IQSEC1: variants seen among roughly 807,000 people sequenced by gnomAD.
IQSEC1 encodes IQ motif and SEC7 domain-containing protein 1.
In IQSEC1, 31 loss-of-function variants were observed where a neutral mutation model predicts 91.0. The observed-to-expected ratio is 0.34, with a 90% CI of 0.26 to 0.46. The LOEUF is 0.46. Among genes scored for constraint, IQSEC1 ranks in the 20% least tolerant of loss-of-function variants. IQSEC1 has a pLI of 1.00. For synonymous variants in IQSEC1, 699 were observed against 662.6 expected (o/e 1.05, Z -0.84); for missense variants, 1,388 against 1,575.6 (o/e 0.88, Z 2.02).
chr3:13,180,364 C>T (rs1693817427), intron 1 of IQSEC1, among the ~76,000 whole-genome samples: 1 of 152,086 alleles, frequency 6.6e-6, no homozygotes, highest in Admixed American at 6.5e-5. Flanking sequence ...CTTGGAGAAC[C>T]TTTGTGTCCA....
chr3:13,175,682 T>C (rs906156041), intron 1 of IQSEC1, among the ~76,000 whole-genome samples: 6 of 152,132 alleles, frequency 3.9e-5, no homozygotes, highest in African/African-American at 1.4e-4. Flanking sequence ...GATAAATTTA[T>C]TCCTCGACGT....
chr3:13,135,952 C>T (rs139077965), intron 2 of IQSEC1, among the ~76,000 whole-genome samples: 1 of 152,336 alleles, frequency 6.6e-6, no homozygotes, highest in East Asian at 1.9e-4. Flanking sequence ...CCCCAGGACT[C>T]CCAGTTAGAC....
chr3:13,268,203 G>C (rs1252739883), intron 1 of IQSEC1, among the ~76,000 whole-genome samples: 1 of 152,242 alleles, frequency 6.6e-6, no homozygotes, highest in East Asian at 1.9e-4. Context: ...CAGACACGAA[G>C]CAGGATGCCA....
intron 1 of IQSEC1, among the ~76,000 whole-genome samples, chr3:13,029,892 G>GT (rs1433600016): frequency 6.6e-6 from 1 of 152,198 alleles, no homozygotes; most frequent in African/African-American, 2.4e-5. Flanking sequence ...ACCTGTAGAG[G>GT]TAAGTCTGCT....
At chr3:13,085,710 A>C (rs1349557679) in intron 2 of IQSEC1, among the ~76,000 whole-genome samples, 1 of 152,192 alleles carries the variant, frequency 6.6e-6, no homozygotes, top group African/African-American at 2.4e-5. Context: ...CTTCAGGCCC[A>C]CGTGCTGTTA....
At chr3:13,220,840 A>G (rs357149) in intron 1 of IQSEC1, among the ~76,000 whole-genome samples, 150,876 of 152,308 alleles carry the variant, frequency 0.99, 74,738 homozygotes, top group African/African-American at 1. Context: ...TCACATATCC[A>G]CTGGCATCTA....
chr3:13,111,967 C>A (rs1311543061), intron 2 of IQSEC1, among the ~76,000 whole-genome samples: 2 of 152,174 alleles, frequency 1.3e-5, no homozygotes, highest in African/African-American at 4.8e-5. Context: ...GCATCCCCTG[C>A]CATTGCCCTG....
At chr3:13,001,342 T>C (rs1042308530) in intron 1 of IQSEC1, among the ~76,000 whole-genome samples, 3 of 152,202 alleles carry the variant, frequency 2.0e-5, no homozygotes, top group East Asian at 3.8e-4. Flanking sequence ...GGACATTTCA[T>C]GTTCCCTATC....
intron 1 of IQSEC1, among the ~76,000 whole-genome samples, chr3:12,990,413 C>T (rs1001805391): frequency 6.6e-6 from 1 of 152,208 alleles, no homozygotes; most frequent in African/African-American, 2.4e-5. Flanking sequence ...GAAGTAATGC[C>T]TCAGGCCCCA....
intron 2 of IQSEC1, among the ~76,000 whole-genome samples, chr3:13,108,801 T>C (rs902288373): frequency 1.3e-5 from 2 of 152,230 alleles, no homozygotes; most frequent in Non-Finnish European, 2.9e-5. Context: ...ATAAGCATCA[T>C]CTGAGAGAAT....
chr3:13,257,054 T>C (rs1695299870), intron 1 of IQSEC1, among the ~76,000 whole-genome samples: 1 of 152,066 alleles, frequency 6.6e-6, no homozygotes, highest in African/African-American at 2.4e-5. Flanking sequence ...AAAACCTACC[T>C]CTGGTGCTGC....
intron 1 of IQSEC1, among the ~76,000 whole-genome samples, chr3:13,195,281 T>C (rs1468824692): frequency 6.6e-6 from 1 of 152,050 alleles, no homozygotes; most frequent in Admixed American, 6.5e-5. Context: ...AAATGCAAGA[T>C]GAGATGCCAC....
In IQSEC1 at chr3:12,940,680, G is replaced by T. The variant is rs1698665447; in HGVS notation, c.318+891C>A. ...CCTGCCCCTGCAAGCTTGCAGAACT[G>T]CTGCCTGGGAGCCCGGGTTCTCTTG... On this transcript the variant is annotated intron_variant, in intron 2 of 13. Transcript: ENST00000613206. This position sits in a 1 kb window ranked among gnomAD's most constrained non-coding sequence, Gnocchi z 4.4. Among the ~76,000 whole-genome samples the T allele has an allele frequency of 6.6e-6, 1 of 152,102 alleles. No individual in the cohort carries two copies. Among genetic ancestry groups the T allele is most frequent in the South Asian group, 2.1e-4 (1 of 4,832 alleles).
intron 1 of IQSEC1, among the ~76,000 whole-genome samples, chr3:13,020,589 C>A (rs1703355218): frequency 6.6e-6 from 1 of 152,206 alleles, no homozygotes; most frequent in African/African-American, 2.4e-5. Flanking sequence ...ACCTCAGGAC[C>A]CTGTATATCT....
chr3:12,985,658 A>G (rs1368523330), intron 1 of IQSEC1, among the ~76,000 whole-genome samples: 3 of 152,100 alleles, frequency 2.0e-5, no homozygotes, highest in African/African-American at 7.3e-5. Context: ...GACGGGTGGC[A>G]GAGTGGGGGG....
chr3:13,071,087 G>A (rs1705399896), intron 1 of IQSEC1, among the ~76,000 whole-genome samples: 1 of 151,678 alleles, frequency 6.6e-6, no homozygotes, highest in Non-Finnish European at 1.5e-5. Flanking sequence ...AGATCCTGAG[G>A]CTTGAGCCCT....
chr3:13,082,116 T>G (rs2125129361), intron 2 of IQSEC1, among the ~76,000 whole-genome samples: 1 of 152,246 alleles, frequency 6.6e-6, no homozygotes, highest in African/African-American at 2.4e-5. Context: ...GGTCATGTGG[T>G]CTCTGGAGTG....
rs149484300 is a variant in IQSEC1 at position 12,973,914 on chromosome 3, G to T, written c.24-32049C>A. On this transcript the variant is annotated intron_variant, in intron 1 of 13. Transcript: ENST00000613206. The stretch of plus-strand genomic sequence containing the variant: ...CTGGTTATCTGGCTTCCTTTCCCCA[G>T]CTCCTTCTGCACTGCTAAAACCTAA... Among the ~76,000 whole-genome samples the T allele has an allele frequency of 2.9e-3, 444 of 152,230 alleles. 2 individuals carry two copies. Among genetic ancestry groups the T allele is most frequent in the African/African-American group, 0.01 (428 of 41,532 alleles).
At chr3:13,136,036 A>G (rs1050413510) in intron 2 of IQSEC1, among the ~76,000 whole-genome samples, 1 of 152,224 alleles carries the variant, frequency 6.6e-6, no homozygotes, top group Non-Finnish European at 1.5e-5. Context: ...CCCTCCTCCA[A>G]GCTTGCATGT....
Sources: gnomAD v4.1 joint callset for allele counts (sites outside exome capture counted in the v4.1 genomes callset) on GRCh38, gnomAD v4.1.1 for gene constraint, Gnocchi (gnomAD v3.1) non-coding constraint, MANE v1.5 for transcripts, NCBI Gene and HGNC (gene_info 2026-07-23, HGNC 2026-07-21) for gene names.